The following PCDH9 variants were observed in gnomAD, a reference collection of about 807,000 sequenced individuals.
PCDH9 encodes the protein protocadherin 9.
Under a neutral mutation model 70.6 loss-of-function variants are expected in PCDH9, and 24 were observed. The ratio of observed to expected loss-of-function variants is 0.34; its 90% confidence interval spans 0.25 to 0.48. The LOEUF is 0.48. Ranked by LOEUF, PCDH9 falls within the 20% of genes least tolerant of loss-of-function variation. The pLI, the probability that PCDH9 is intolerant of heterozygous loss-of-function variation, is 0.99. For synonymous variants in PCDH9, 562 were observed against 558.5 expected (o/e 1.01, Z -0.09); for missense variants, 1,281 against 1,503.6 (o/e 0.85, Z 2.45).
chr13:66,555,543 A>C (rs945030629), intron 4 of PCDH9, among the ~76,000 whole-genome samples: 2 of 152,048 alleles, frequency 1.3e-5, no homozygotes, highest in African/African-American at 2.4e-5. Flanking sequence ...TGCATACCAT[A>C]GTTAAATTTG....
intron 2 of PCDH9, among the ~76,000 whole-genome samples, chr13:66,992,950 T>C (rs982572098): frequency 6.8e-6 from 1 of 146,804 alleles, no homozygotes; most frequent in Non-Finnish European, 1.5e-5. Context: ...AAATGTAAAA[T>C]AGCAGCAAAG....
At chr13:66,662,487 A>G (rs1343823102) in intron 3 of PCDH9, among the ~76,000 whole-genome samples, 1 of 152,268 alleles carries the variant, frequency 6.6e-6, no homozygotes, top group Non-Finnish European at 1.5e-5. Context: ...AAAAAAAAGA[A>G]TGTCACATAA....
At chr13:66,772,533 T>G (rs7986641) in intron 3 of PCDH9, among the ~76,000 whole-genome samples, 63,018 of 151,914 alleles carry the variant, frequency 0.41, 13,295 homozygotes, top group East Asian at 0.58. Flanking sequence ...TTGTCTCTGA[T>G]AAAATTAACT....
chr13:66,575,313 T>C (rs1354143313), intron 4 of PCDH9, among the ~76,000 whole-genome samples: 2 of 152,292 alleles, frequency 1.3e-5, no homozygotes, highest in East Asian at 1.9e-4. Context: ...GCATCTGTCA[T>C]ACCTCTGAGA....
At chr13:66,788,038 A>G (rs961435837) in intron 3 of PCDH9, among the ~76,000 whole-genome samples, 5 of 152,178 alleles carry the variant, frequency 3.3e-5, no homozygotes, top group Non-Finnish European at 5.9e-5. Context: ...CTGTTGTACT[A>G]TACTGATATT....
intron 2 of PCDH9, chr13:67,210,717 G>T (rs756949021): frequency 6.6e-6 from 1 of 151,884 alleles, no homozygotes; most frequent in Non-Finnish European, 1.5e-5. Flanking sequence ...AGTATAAATG[G>T]TTTTGAATAG....
chr13:66,943,393 C>T (rs1355470601), intron 2 of PCDH9, among the ~76,000 whole-genome samples: 2 of 151,954 alleles, frequency 1.3e-5, no homozygotes, highest in South Asian at 4.1e-4. Context: ...GGAATTTTCA[C>T]CCTAGTTTTC....
chr13:66,694,046 C>A (rs1457526232), intron 3 of PCDH9, among the ~76,000 whole-genome samples: 1 of 152,212 alleles, frequency 6.6e-6, no homozygotes. Context: ...GATATCCCAG[C>A]TGAGAAAGCT....
intron 2 of PCDH9, among the ~76,000 whole-genome samples, chr13:67,019,890 G>A (rs2084641405): frequency 6.6e-6 from 1 of 152,204 alleles, no homozygotes. Flanking sequence ...TTAACTGGGA[G>A]AGAGGACTGT....
chr13:66,476,806 G>C (rs945774592), intron 4 of PCDH9, among the ~76,000 whole-genome samples: 3 of 151,990 alleles, frequency 2.0e-5, no homozygotes, highest in African/African-American at 7.2e-5. Context: ...ATATTGTGAG[G>C]AAGGGAGGTA....
chr13:66,475,714 A>G (rs1193063908), intron 4 of PCDH9, among the ~76,000 whole-genome samples: 1 of 152,058 alleles, frequency 6.6e-6, no homozygotes, highest in Non-Finnish European at 1.5e-5. Flanking sequence ...GTCAGAAGAG[A>G]ATCATATTTA....
At position 67,077,048 on chromosome 13, in the gene PCDH9, C is replaced by A. The variant is rs185990870; in HGVS notation, c.3036+148357G>T. Among the ~76,000 whole-genome samples the A allele has an allele frequency of 3.3e-3, 509 of 152,264 alleles. 5 individuals carry two copies. Among genetic ancestry groups the A allele is most frequent in the African/African-American group, 0.011 (456 of 41,550 alleles). On this transcript the variant is annotated intron_variant, in intron 2 of 4. Transcript: ENST00000377865. ...TAAGGTTGCCTTGTTTCTGAACTTG[C>A]TCATCTATGGTCTCTTCTCAAGAGT...
intron 4 of PCDH9, among the ~76,000 whole-genome samples, chr13:66,428,283 T>TTTA (rs1304859447): frequency 1.3e-5 from 2 of 151,726 alleles, no homozygotes; most frequent in African/African-American, 4.8e-5. Flanking sequence ...TCAGGAAAAC[T>TTTA]CTCAGATAAG....
intron 4 of PCDH9, among the ~76,000 whole-genome samples, chr13:66,463,224 A>T (rs1958456745): frequency 6.6e-6 from 1 of 151,786 alleles, no homozygotes; most frequent in Non-Finnish European, 1.5e-5. Flanking sequence ...ATTCAATGAG[A>T]TTATAAACAA....
At chr13:67,130,918 T>G (rs554891191) in intron 2 of PCDH9, among the ~76,000 whole-genome samples, 10 of 152,296 alleles carry the variant, frequency 6.6e-5, no homozygotes, top group Non-Finnish European at 1.3e-4. Flanking sequence ...GTGTGTGTCT[T>G]TCTTTAACCT....
chr13:66,833,742 T>C (rs2080967604), intron 3 of PCDH9, among the ~76,000 whole-genome samples: 1 of 152,222 alleles, frequency 6.6e-6, no homozygotes, highest in Non-Finnish European at 1.5e-5. Context: ...AAATCAAATG[T>C]TTGCAGAATA....
intron 3 of PCDH9, among the ~76,000 whole-genome samples, chr13:66,662,619 C>T (rs761244552): frequency 2.0e-5 from 3 of 152,134 alleles, no homozygotes; most frequent in Non-Finnish European, 4.4e-5. Context: ...TAAGGACTAG[C>T]TTGGAGCAGA....
chr13:66,579,867 A>G (rs1229774195), intron 4 of PCDH9, among the ~76,000 whole-genome samples: 1 of 151,776 alleles, frequency 6.6e-6, no homozygotes, highest in African/African-American at 2.4e-5. Flanking sequence ...AGTTAGAAAG[A>G]AGTAATCTTC....
chr13:66,593,940 T>A (rs2077069397), intron 4 of PCDH9, among the ~76,000 whole-genome samples: 1 of 151,624 alleles, frequency 6.6e-6, no homozygotes, highest in Admixed American at 6.6e-5. Context: ...ATATAAAGTT[T>A]TTTTATAGTC....
Sources: gnomAD v4.1 joint callset for allele counts (sites outside exome capture counted in the v4.1 genomes callset) on GRCh38, gnomAD v4.1.1 for gene constraint, MANE v1.5 for transcripts, NCBI Gene and HGNC (gene_info 2026-07-23, HGNC 2026-07-21) for gene names.